ABLIM1: variants seen among roughly 807,000 people sequenced by gnomAD.
ABLIM1 encodes actin binding LIM protein 1, also known as actin-binding LIM protein 1.
A neutral mutation model predicts 107.0 loss-of-function variants in ABLIM1; 40 were observed. The observed-to-expected ratio is 0.37, with a 90% CI of 0.29 to 0.49. The LOEUF is 0.49. Among genes scored for constraint, ABLIM1 ranks in the 20% least tolerant of loss-of-function variants. The pLI is 0.97. For missense variants in ABLIM1, 857 were observed against 1,008.5 expected (o/e 0.85, Z 2.04); for synonymous variants, 357 against 357.3 (o/e 1.00, Z 0.01).
the ABLIM1 span, among the ~76,000 whole-genome samples, chr10:114,783,110 TG>T: frequency 2.0e-5 from 3 of 151,836 alleles, no homozygotes; most frequent in African/African-American, 4.9e-5. Context: ...AGTGAAACCC[TG>T]TCTCTACTAC....
chr10:114,477,875 C>G (rs11196757), intron 8 of ABLIM1, among the ~76,000 whole-genome samples: 2,688 of 152,272 alleles, frequency 0.018, 43 homozygotes, highest in East Asian at 0.059. Flanking sequence ...CGGGGACTTG[C>G]CACCCACCCA....
chr10:114,564,040 T>C (rs556678105), intron 4 of ABLIM1, among the ~76,000 whole-genome samples: 2 of 150,472 alleles, frequency 1.3e-5, no homozygotes, highest in South Asian at 2.2e-4. Flanking sequence ...CCTTGATCCC[T>C]GATCCAAAAT....
At chr10:114,762,040 T>C (rs1459420165) in intron 1 of ABLIM1, among the ~76,000 whole-genome samples, 1 of 151,750 alleles carries the variant, frequency 6.6e-6, no homozygotes, top group Non-Finnish European at 1.5e-5. Flanking sequence ...ACTCAGGATA[T>C]CCTTTTTTTT....
At chr10:114,615,056 A>AG (rs969840455) in intron 1 of ABLIM1, among the ~76,000 whole-genome samples, 1 of 151,650 alleles carries the variant, frequency 6.6e-6, no homozygotes, top group African/African-American at 2.4e-5. Flanking sequence ...GTCTCAAAAA[A>AG]AAAAAAAGAA....
intron 1 of ABLIM1, among the ~76,000 whole-genome samples, chr10:114,764,049 C>T (rs1306484845): frequency 6.6e-6 from 1 of 152,156 alleles, no homozygotes; most frequent in African/African-American, 2.4e-5. Context: ...GCCTGGGAAT[C>T]TATATTTTTA....
intron 4 of ABLIM1, among the ~76,000 whole-genome samples, chr10:114,567,709 C>G (rs891759420): frequency 6.6e-6 from 1 of 152,234 alleles, no homozygotes; most frequent in Admixed American, 6.5e-5. Context: ...TACCTATCTG[C>G]TGTCTTCCCC....
In ABLIM1 at chr10:114,707,691, G is replaced by A. The variant is rs1388493056; in HGVS notation, c.-213+60370C>T. Among the ~76,000 whole-genome samples the A allele has an allele frequency of 3.3e-5, 5 of 152,114 alleles. No individual in the cohort carries two copies. The East Asian group carries it at 9.7e-4, about 29-fold the overall frequency. On this transcript the variant is annotated intron_variant, in intron 1 of 15. Coordinates refer to the ABLIM1 transcript ENST00000651092. The surrounding 1 kb of genome is among the most constrained non-coding windows in gnomAD (Gnocchi z 4.1). ...GTGGTGGGCGGATCACTTAAGGCCA[G>A]GAGTTCGAGACCAACCTGGACAACA...
At chr10:114,665,180 T>C (rs2079973963) in intron 1 of ABLIM1, among the ~76,000 whole-genome samples, 1 of 152,056 alleles carries the variant, frequency 6.6e-6, no homozygotes, top group Admixed American at 6.5e-5. Flanking sequence ...ATGAACAACT[T>C]TATGTATTTC....
chr10:114,496,888 C>T (rs779803698), intron 6 of ABLIM1, among the ~76,000 whole-genome samples: 3 of 152,120 alleles, frequency 2.0e-5, no homozygotes, highest in South Asian at 4.1e-4. Flanking sequence ...GGCCCTCCTT[C>T]GCATGTGTGA....
chr10:114,654,879 C>T (rs1004234499), intron 1 of ABLIM1, among the ~76,000 whole-genome samples: 3 of 152,162 alleles, frequency 2.0e-5, no homozygotes, highest in African/African-American at 7.2e-5. Context: ...TTCTTGGGGC[C>T]CTGGAGCTGG....
At chr10:114,714,972 A>G (rs1314507235) in intron 1 of ABLIM1, among the ~76,000 whole-genome samples, 1 of 152,150 alleles carries the variant, frequency 6.6e-6, no homozygotes, top group Non-Finnish European at 1.5e-5. Flanking sequence ...AGTGACTCCA[A>G]TGTCAACTTC....
At chr10:114,665,421 A>C (rs995309258) in intron 1 of ABLIM1, among the ~76,000 whole-genome samples, 12 of 152,246 alleles carry the variant, frequency 7.9e-5, no homozygotes, top group African/African-American at 2.9e-4. Context: ...GGCAGAAAAG[A>C]ACATTCCAAA....
At chr10:114,632,113 C>T in intron 1 of ABLIM1, 1 of 985,352 alleles carries the variant, frequency 1.0e-6, no homozygotes, top group Non-Finnish European at 1.2e-6. Flanking sequence ...GCCCGCCCCG[C>T]TATCGCCCCC....
chr10:114,795,433 G>A, the ABLIM1 span, among the ~76,000 whole-genome samples: 3 of 152,196 alleles, frequency 2.0e-5, no homozygotes, highest in Non-Finnish European at 2.9e-5. Context: ...TGGGCTGGGT[G>A]CAGTAGCCCA....
At chr10:114,535,261 CA>C (rs897101933) in intron 6 of ABLIM1, among the ~76,000 whole-genome samples, 1 of 151,906 alleles carries the variant, frequency 6.6e-6, no homozygotes, top group Non-Finnish European at 1.5e-5. Context: ...TCTCGCCACA[CA>C]AAAAAACAAA....
At position 114,668,708 on chromosome 10, in the gene ABLIM1, A is replaced by G. The variant is rs368188028; in HGVS notation, c.64+15582T>C. On this transcript the variant is annotated intron_variant, in intron 1 of 23. Transcript: ENST00000369256. ...AAGATTAGAGACTGCAAAAAAGTAGAGCCATTTAGATAAGAAACACAGGAA... is the reference window on the plus strand; with the variant it reads ...AAGATTAGAGACTGCAAAAAAGTAGGGCCATTTAGATAAGAAACACAGGAA... Among the ~76,000 whole-genome samples, 113 of 152,298 alleles carry G rather than the reference A, an allele frequency of 7.4e-4. 2 individuals carry two copies. The East Asian group carries it at 0.018, about 25-fold the overall frequency.
At chr10:114,614,681 A>G (rs1278098834) in intron 1 of ABLIM1, among the ~76,000 whole-genome samples, 1 of 152,182 alleles carries the variant, frequency 6.6e-6, no homozygotes, top group Non-Finnish European at 1.5e-5. Context: ...GAAAATTAGA[A>G]ACATTAGGAT....
At chr10:114,656,076 G>T (rs2079498259) in intron 1 of ABLIM1, among the ~76,000 whole-genome samples, 1 of 152,132 alleles carries the variant, frequency 6.6e-6, no homozygotes, top group East Asian at 1.9e-4. Context: ...TTCCAGACCA[G>T]CCTGGCCAAC....
chr10:114,651,780 G>A (rs966773585), intron 1 of ABLIM1, among the ~76,000 whole-genome samples: 6 of 152,136 alleles, frequency 3.9e-5, no homozygotes, highest in Non-Finnish European at 8.8e-5. Flanking sequence ...AGAAGTAACT[G>A]GCCACCACCT....
Sources: gnomAD v4.1 joint callset for allele counts (sites outside exome capture counted in the v4.1 genomes callset) on GRCh38, gnomAD v4.1.1 for gene constraint, Gnocchi (gnomAD v3.1) non-coding constraint, MANE v1.5 for transcripts, NCBI Gene and HGNC (gene_info 2026-07-23, HGNC 2026-07-21) for gene names.